The following CNNM1 variants were observed in gnomAD, a reference collection of about 807,000 sequenced individuals.
CNNM1 encodes the protein metal transporter CNNM1.
In CNNM1, 44 loss-of-function variants were observed where a neutral mutation model predicts 78.8. That is an observed-to-expected ratio of 0.56 (90% CI 0.44 to 0.72). The LOEUF is 0.72. CNNM1 is among the 30% of genes least tolerant of loss of function. The pLI, the probability that CNNM1 is intolerant of heterozygous loss-of-function variation, is 0.00. For synonymous variants in CNNM1, 584 were observed against 581.5 expected (o/e 1.00, Z -0.06); for missense variants, 1,101 against 1,292.2 (o/e 0.85, Z 2.27).
Position 99,391,553 on chromosome 10 carries a change from C to A in CNNM1, c.*37C>A. 5 of 1,577,070 alleles carry A rather than the reference C, an allele frequency of 3.2e-6. No homozygotes were observed. Among genetic ancestry groups the A allele is most frequent in the Non-Finnish European group, 4.4e-6 (5 of 1,148,682 alleles). On this transcript the variant is annotated 3_prime_UTR_variant, in exon 11 of 11. Coordinates refer to ENST00000356713, the MANE Select transcript of CNNM1 (RefSeq NM_020348.3). ...CAGCATTCACTGGGTGTGTGAAATT[C>A]CAGAGCTTTGGGGGAGAATCCACCC... is the stretch of plus-strand genomic sequence containing the variant.
chr10:99,382,087 C>T lies in CNNM1; in HGVS notation c.2340+4869C>T, dbSNP rs545106300. The stretch of plus-strand genomic sequence containing the variant: ...CTGCAAGATGAGTGTTTTCACAGGG[C>T]GAAGCCCCTGTGGTTGGCTGCTGGA... On this transcript the variant is annotated intron_variant, in intron 7 of 10. Transcript: ENST00000356713. 3.9e-5 allele frequency among the ~76,000 whole-genome samples: 6 copies of T among 152,210 alleles called. No individual in the cohort carries two copies. The South Asian group carries it at 1.2e-3, about 32-fold the overall frequency.
At chr10:99,352,364 A>G (rs1207653996) in intron 1 of CNNM1, among the ~76,000 whole-genome samples, 7 of 152,200 alleles carry the variant, frequency 4.6e-5, no homozygotes, top group Admixed American at 4.6e-4. Flanking sequence ...GTTTGGAAAC[A>G]TGTACAAGTT....
chr10:99,388,320 G>T lies in CNNM1; in HGVS notation c.2674+19G>T. On this transcript the variant is annotated intron_variant, in intron 9 of 10. Coordinates refer to ENST00000356713, the MANE Select transcript of CNNM1 (RefSeq NM_020348.3). Reference sequence around the variant, plus strand: ...AGAGCAGGTCAGGGAGGCCAGCTGGGCCCAGTGCAGCAAGGGAGATCATTG... The same window carrying T: ...AGAGCAGGTCAGGGAGGCCAGCTGGTCCCAGTGCAGCAAGGGAGATCATTG... 1 of 1,609,788 alleles carries T rather than the reference G, an allele frequency of 6.2e-7. No individual in the cohort carries two copies. Among genetic ancestry groups the T allele is most frequent in the Non-Finnish European group, 8.5e-7 (1 of 1,178,330 alleles).
intron 6 of CNNM1, among the ~76,000 whole-genome samples, chr10:99,369,782 A>C (rs1369853445): frequency 6.6e-6 from 1 of 152,164 alleles, no homozygotes; most frequent in Non-Finnish European, 1.5e-5. Context: ...TAATGACTAC[A>C]GGATCGGACA....
At chr10:99,385,885 T>C (rs950269810) in intron 7 of CNNM1, among the ~76,000 whole-genome samples, 1 of 152,156 alleles carries the variant, frequency 6.6e-6, no homozygotes, top group African/African-American at 2.4e-5. Context: ...TCTAAATAAC[T>C]AAAGAACCCA....
chr10:99,380,316 A>G (rs1000319875), intron 7 of CNNM1, among the ~76,000 whole-genome samples: 2 of 152,182 alleles, frequency 1.3e-5, no homozygotes, highest in African/African-American at 2.4e-5. Flanking sequence ...AATCAGTATG[A>G]AGATTTGGTT....
intron 7 of CNNM1, among the ~76,000 whole-genome samples, chr10:99,377,955 A>G (rs1589917682): frequency 7.8e-6 from 1 of 128,600 alleles, no homozygotes; most frequent in Admixed American, 9.0e-5. Context: ...TTGTTTCCAT[A>G]GGTTCTTTTT....
chr10:99,388,304 C>G lies in CNNM1; in HGVS notation c.2674+3C>G, dbSNP rs199527372. ...TGCAGCCGTTCCCACGAGAGCAGGT[C>G]AGGGAGGCCAGCTGGGCCCAGTGCA... On this transcript the variant is annotated splice_donor_region_variant and intron_variant, in intron 9 of 10. Coordinates refer to ENST00000356713, the MANE Select transcript of CNNM1 (RefSeq NM_020348.3). The G allele has an allele frequency of 6.2e-6, 10 of 1,612,558 alleles. No individual in the cohort carries two copies. The East Asian group carries it at 2.0e-4, about 32-fold the overall frequency.
intron 4 of CNNM1, among the ~76,000 whole-genome samples, chr10:99,363,517 C>G (rs757314725): frequency 6.6e-6 from 1 of 152,140 alleles, no homozygotes; most frequent in African/African-American, 2.4e-5. Context: ...CATTTCCTAA[C>G]TAACCTGGAC....
Position 99,391,597 on chromosome 10 carries a change from C to G in CNNM1, c.*81C>G, listed in dbSNP as rs2032474460. On this transcript the variant is annotated 3_prime_UTR_variant, in exon 11 of 11. Coordinates refer to ENST00000356713, the MANE Select transcript of CNNM1 (RefSeq NM_020348.3). ...TCCACCCTCCCATCATCTGCTTCCC[C>G]CAAGGCCTCCCACAGGTGACAGAAT... 1 of 1,139,036 alleles carries G rather than the reference C, an allele frequency of 8.8e-7. No individual in the cohort carries two copies. The highest frequency in any genetic ancestry group is 2.4e-5 in the East Asian group (1 of 41,516). The allele number at this position is 1,139,036 out of a possible 1,614,324, so 70.6% of individuals were successfully genotyped here.
intron 1 of CNNM1, among the ~76,000 whole-genome samples, chr10:99,331,727 G>C (rs1008886668): frequency 5.9e-5 from 9 of 152,122 alleles, no homozygotes; most frequent in Admixed American, 2.6e-4. Context: ...CTTTGCCCGG[G>C]GGGGAGGGAA....
At chr10:99,359,205 T>C (rs1451009916) in intron 2 of CNNM1, among the ~76,000 whole-genome samples, 1 of 150,770 alleles carries the variant, frequency 6.6e-6, no homozygotes, top group Non-Finnish European at 1.5e-5. Context: ...GAGGAATGAT[T>C]TCCTAATAAT....
rs1179057233 is a variant in CNNM1 at position 99,393,176 on chromosome 10, TC to T, written c.*1664del. ...AATCTCCAAACCATTCCCAAACCTT[TC>T]CCCGTAGTATACCATCCAGCTTCCC... is the stretch of plus-strand genomic sequence containing the variant. On this transcript the variant is annotated 3_prime_UTR_variant, in exon 11 of 11. Coordinates refer to ENST00000356713, the MANE Select transcript of CNNM1 (RefSeq NM_020348.3). 2.0e-5 allele frequency: 3 copies of T among 152,336 alleles called. No individual in the cohort carries two copies. The East Asian group carries it at 5.8e-4, about 29-fold the overall frequency. The allele number at this position is 152,336 out of a possible 1,614,324, so 9.4% of individuals were successfully genotyped here.
intron 8 of CNNM1, 58 bp from the exon 9 acceptor site, chr10:99,388,094 A>C: frequency 6.2e-7 from 1 of 1,603,470 alleles, no homozygotes; most frequent in Non-Finnish European, 8.5e-7. Context: ...GGCTCACACC[A>C]CCTGAGCCCT....
intron 1 of CNNM1, among the ~76,000 whole-genome samples, chr10:99,337,545 C>T (rs1450779269): frequency 6.6e-6 from 1 of 152,218 alleles, no homozygotes. Flanking sequence ...AGCTCAGGGG[C>T]CTCCTCCTCT....
intron 3 of CNNM1, 86 bp downstream of exon 3, chr10:99,361,061 C>G (rs1266595008): frequency 1.5e-6 from 2 of 1,378,648 alleles, no homozygotes; most frequent in Non-Finnish European, 1.9e-6. Flanking sequence ...ACCTTCCAGC[C>G]TGATTCCAGT....
At chr10:99,373,652 G>A (rs2031875323) in intron 6 of CNNM1, among the ~76,000 whole-genome samples, 1 of 152,138 alleles carries the variant, frequency 6.6e-6, no homozygotes, top group African/African-American at 2.4e-5. Flanking sequence ...TGAGCTTTTA[G>A]TGTGGCCATC....
chr10:99,386,988 C>G (rs543166486), intron 7 of CNNM1, among the ~76,000 whole-genome samples: 1 of 152,326 alleles, frequency 6.6e-6, no homozygotes, highest in Non-Finnish European at 1.5e-5. Context: ...CCAGTGCCAG[C>G]CGCTGATGAG....
intron 6 of CNNM1, among the ~76,000 whole-genome samples, chr10:99,373,044 C>T (rs1319074946): frequency 2.0e-5 from 3 of 152,170 alleles, no homozygotes; most frequent in Non-Finnish European, 2.9e-5. Context: ...TGGGTGTCAT[C>T]TACACTGGGT....
Sources: allele counts gnomAD v4.1 joint callset (sites outside exome capture counted in the v4.1 genomes callset), GRCh38; gene constraint gnomAD v4.1.1; transcripts MANE v1.5; gene names NCBI Gene and HGNC (gene_info 2026-07-23, HGNC 2026-07-21).